FOXP1: variants seen among roughly 807,000 people sequenced by gnomAD.
FOXP1 encodes forkhead box protein P1.
A neutral mutation model predicts 98.2 loss-of-function variants in FOXP1; 15 were observed. The observed-to-expected ratio is 0.15, with a 90% CI of 0.10 to 0.24. The LOEUF (loss-of-function observed/expected upper bound fraction) is 0.24, where lower values mean the gene tolerates loss of function less well. Among genes scored for constraint, FOXP1 ranks in the 10% least tolerant of loss-of-function variants. FOXP1 has a pLI of 1.00. For synonymous variants in FOXP1, 371 were observed against 314.5 expected (o/e 1.18, Z -1.90); for missense variants, 633 against 848.5 (o/e 0.75, Z 3.15).
intron 6 of FOXP1, among the ~76,000 whole-genome samples, chr3:71,178,889 C>CA (rs1443054668): frequency 2.1e-5 from 3 of 146,040 alleles, no homozygotes. Flanking sequence ...AACTCAAAAA[C>CA]AAAAAACAAA....
At chr3:71,518,799 C>T (rs1232117240) in intron 2 of FOXP1, among the ~76,000 whole-genome samples, 1 of 152,202 alleles carries the variant, frequency 6.6e-6, no homozygotes, top group African/African-American at 2.4e-5. Flanking sequence ...AATACACCCT[C>T]CATTACTCTG....
intron 2 of FOXP1, among the ~76,000 whole-genome samples, chr3:71,501,176 G>A (rs1262164153): frequency 6.6e-6 from 1 of 151,896 alleles, no homozygotes; most frequent in African/African-American, 2.4e-5. Context: ...GACAGAGTGA[G>A]ACTCCGTCTC....
intron 6 of FOXP1, among the ~76,000 whole-genome samples, chr3:71,132,362 C>T (rs187185286): frequency 6.6e-6 from 1 of 152,298 alleles, no homozygotes; most frequent in Non-Finnish European, 1.5e-5. Flanking sequence ...AACTGCTTAA[C>T]ACCTAGTAGC....
At chr3:71,203,221 G>T (rs1576363535) in intron 5 of FOXP1, among the ~76,000 whole-genome samples, 1 of 152,218 alleles carries the variant, frequency 6.6e-6, no homozygotes, top group Middle Eastern at 3.4e-3. Flanking sequence ...ACCCTACAAA[G>T]GTCAATGCTG....
At chr3:71,271,381 T>A (rs570977755) in intron 5 of FOXP1, among the ~76,000 whole-genome samples, 2 of 152,370 alleles carry the variant, frequency 1.3e-5, no homozygotes, top group South Asian at 4.1e-4. Flanking sequence ...ATAATTTTAC[T>A]TTTTTGGTAA....
At chr3:71,122,249 C>A (rs969332147) in intron 6 of FOXP1, among the ~76,000 whole-genome samples, 1 of 152,142 alleles carries the variant, frequency 6.6e-6, no homozygotes, top group Non-Finnish European at 1.5e-5. Context: ...TCACAAAGTA[C>A]CTTCCTTTTC....
intron 6 of FOXP1, among the ~76,000 whole-genome samples, chr3:71,166,536 G>C (rs1333032558): frequency 6.6e-6 from 1 of 152,146 alleles, no homozygotes; most frequent in East Asian, 1.9e-4. Context: ...TAAACTTCTT[G>C]TTTATTTTAA....
intron 3 of FOXP1, among the ~76,000 whole-genome samples, chr3:71,438,921 G>T (rs1220645784): frequency 6.6e-6 from 1 of 151,976 alleles, no homozygotes; most frequent in African/African-American, 2.4e-5. Flanking sequence ...AGACCACAGG[G>T]CAGAGTGGAT....
chr3:70,972,410 G>C (rs1471966923), intron 18 of FOXP1, 145 bp downstream of exon 18: 1 of 1,205,750 alleles, frequency 8.3e-7, no homozygotes, highest in African/African-American at 1.5e-5. Context: ...AAAACAGGAG[G>C]GATGAAATGC....
At chr3:71,033,390 G>C (rs2047133069) in intron 11 of FOXP1, among the ~76,000 whole-genome samples, 1 of 152,002 alleles carries the variant, frequency 6.6e-6, no homozygotes. Flanking sequence ...CCAAATTTAA[G>C]AGTAACTCAG....
chr3:71,012,502 A>C (rs1335160960), intron 12 of FOXP1, among the ~76,000 whole-genome samples: 1 of 152,204 alleles, frequency 6.6e-6, no homozygotes, highest in African/African-American at 2.4e-5. Flanking sequence ...CTCTTTTAAA[A>C]TATTTTTAAG....
intron 7 of FOXP1, among the ~76,000 whole-genome samples, chr3:71,055,497 T>C (rs942125071): frequency 6.6e-6 from 1 of 152,208 alleles, no homozygotes; most frequent in African/African-American, 2.4e-5. Flanking sequence ...CAGATGTATA[T>C]GAATGGATAA....
chr3:71,555,692 C>T (rs780657730), intron 2 of FOXP1, among the ~76,000 whole-genome samples: 2 of 152,132 alleles, frequency 1.3e-5, no homozygotes, highest in Non-Finnish European at 2.9e-5. Context: ...ATATAATCAA[C>T]ACTTAATATT....
At position 71,188,802 on chromosome 3, in the gene FOXP1, T is replaced by G. The variant is rs774826090; in HGVS notation, c.180+9400A>C. On this transcript the variant is annotated intron_variant, in intron 6 of 20. Transcript: ENST00000649528. ...AAATTAATGGTCTACCTGAAGAAAC[T>G]TTGCTGAAGATTAATATGTGTTAGG... Among the ~76,000 whole-genome samples the G allele has an allele frequency of 1.5e-4, 23 of 152,236 alleles. 1 individual carries two copies. The highest frequency in any genetic ancestry group is 4.4e-5 in the Non-Finnish European group (3 of 68,058).
At chr3:71,291,836 A>G (rs1264597814) in intron 5 of FOXP1, among the ~76,000 whole-genome samples, 3 of 150,050 alleles carry the variant, frequency 2.0e-5, no homozygotes, top group African/African-American at 7.4e-5. Flanking sequence ...CCTCCCACGT[A>G]GCTGGGACTA....
intron 7 of FOXP1, among the ~76,000 whole-genome samples, chr3:71,064,292 T>C (rs2052027227): frequency 1.3e-5 from 2 of 151,968 alleles, no homozygotes; most frequent in African/African-American, 4.8e-5. Flanking sequence ...CAAAGAAACA[T>C]CCACATGGGT....
intron 5 of FOXP1, among the ~76,000 whole-genome samples, chr3:71,211,654 T>C (rs1290708396): frequency 2.0e-5 from 3 of 152,232 alleles, no homozygotes; most frequent in Admixed American, 1.3e-4. Context: ...AAAATAGTTC[T>C]AAAGAGGCCT....
In FOXP1 at chr3:70,988,000, A is replaced by C. The variant is rs767354882; in HGVS notation, c.1140T>G (p.Pro380=). 6.2e-7 allele frequency: 1 copy of C among 1,613,986 alleles called. No homozygotes were observed. Among genetic ancestry groups the C allele is most frequent in the South Asian group, 1.1e-5 (1 of 91,074 alleles). The change falls in exon 14 of 21, where the codon CCT becomes CCG. Residue 380 remains proline (P), a synonymous_variant. Transcript: ENST00000649528. ...GGTGGGGATCAATACTTACGGGCTG[A>C]GGGGCGGCTTTGGGTTCTGTAGACT... The part of the protein sequence containing the change: ...HVKSTEPKAA[P]QPLNLVSSVT...
chr3:71,477,240 A>G (rs2089927218), intron 3 of FOXP1, among the ~76,000 whole-genome samples: 1 of 152,184 alleles, frequency 6.6e-6, no homozygotes, highest in South Asian at 2.1e-4. Context: ...GAAAAGTTCA[A>G]GGTGCTGGAA....
Sources: allele counts gnomAD v4.1 joint callset (sites outside exome capture counted in the v4.1 genomes callset), GRCh38; gene constraint gnomAD v4.1.1; transcripts MANE v1.5; gene names NCBI Gene and HGNC (gene_info 2026-07-23, HGNC 2026-07-21).